Variants in CYP4F8 observed in about 807,000 individuals in gnomAD.
The protein encoded by CYP4F8 is cytochrome P450 family 4 subfamily F member 8, also known as cytochrome P450 4F8.
A neutral mutation model predicts 55.0 loss-of-function variants in CYP4F8; 56 were observed. That is an observed-to-expected ratio of 1.02 (90% confidence interval 0.82 to 1.27). The LOEUF (loss-of-function observed/expected upper bound fraction) is 1.27, where lower values mean the gene tolerates loss of function less well. Among genes scored for constraint, CYP4F8 ranks in the 50% most tolerant of loss-of-function variants. The pLI, the probability that CYP4F8 is intolerant of heterozygous loss-of-function variation, is 0.00. For missense variants in CYP4F8, 680 were observed against 682.4 expected (o/e 1.00, Z 0.04); for synonymous variants, 288 against 267.3 (o/e 1.08, Z -0.76).
intron 2 of CYP4F8, among the ~76,000 whole-genome samples, chr19:15,616,118 C>T (rs77153106): frequency 6.7e-6 from 1 of 148,658 alleles, no homozygotes; most frequent in South Asian, 2.2e-4. Flanking sequence ...CCTCTCCTCA[C>T]TCACTCATTC....
intron 5 of CYP4F8, among the ~76,000 whole-genome samples, chr19:15,620,377 A>G (rs1360458499): frequency 6.6e-6 from 1 of 152,148 alleles, no homozygotes; most frequent in Non-Finnish European, 1.5e-5. Flanking sequence ...AGAGGAGGAT[A>G]CAATGCTTCT....
Position 15,615,669 on chromosome 19 carries a change from C to T in CYP4F8, c.53C>T (p.Pro18Leu), listed in dbSNP as rs141696823. Residue 18 changes from proline (P) to leucine (L), a missense_variant, in exon 2 of 13, where the codon CCG (proline) becomes CTG (leucine). Coordinates refer to ENST00000612078, the MANE Select transcript of CYP4F8 (RefSeq NM_007253.4). Reference sequence around the variant, plus strand: ...GGCCTCAGGCCGGTGGCAGCATCCCCGTGGCTGCTCCTGCTGGTGGTCGGG... The same window carrying T: ...GGCCTCAGGCCGGTGGCAGCATCCCTGTGGCTGCTCCTGCTGGTGGTCGGG... ...WLGLRPVAAS[P>L]WLLLLVVGAS... 1,277 of 1,613,974 alleles carry T rather than the reference C, an allele frequency of 7.9e-4. 11 individuals are homozygous for T. In the African/African-American group the frequency reaches 0.014, roughly 18 times the overall value.
intron 2 of CYP4F8, among the ~76,000 whole-genome samples, chr19:15,617,756 G>T (rs1040904366): frequency 3.9e-5 from 6 of 152,184 alleles, no homozygotes; most frequent in African/African-American, 1.4e-4. Context: ...TGTCTCAGCT[G>T]CAGAGGAGAA....
chr19:15,617,658 G>T (rs973944511), intron 2 of CYP4F8, among the ~76,000 whole-genome samples: 8 of 152,306 alleles, frequency 5.3e-5, no homozygotes, highest in African/African-American at 1.9e-4. Flanking sequence ...GCAAGCTGGA[G>T]AATCAGGGAC....
chr19:15,628,537 T>A lies in CYP4F8; in HGVS notation c.1256T>A (p.Val419Asp). Reference protein sequence around the residue: ...PDSRVIPKGNVCNINIFAIHH... With the variant: ...PDSRVIPKGNDCNINIFAIHH... ...GTCCTCTCCTGCACGACAGGGAATG[T>A]CTGTAACATCAACATCTTCGCAATC... The change falls in exon 11 of 13, where the codon GTC becomes GAC. Residue 419 changes from valine (V) to aspartate (D), a missense_variant. Transcript: ENST00000612078. The A allele has an allele frequency of 6.2e-7, 1 of 1,613,886 alleles. No individual in the cohort carries two copies. Among genetic ancestry groups the A allele is most frequent in the Non-Finnish European group, 8.5e-7 (1 of 1,179,844 alleles).
intron 9 of CYP4F8, among the ~76,000 whole-genome samples, chr19:15,625,961 T>C (rs948140087): frequency 2.6e-5 from 4 of 152,192 alleles, no homozygotes; most frequent in Non-Finnish European, 5.9e-5. Flanking sequence ...TTGTGCTGGT[T>C]CTTACCTTTT....
intron 7 of CYP4F8, 134 bp from the exon 8 acceptor site, chr19:15,623,565 C>G (rs926755012): frequency 1.0e-6 from 1 of 986,630 alleles, no homozygotes; most frequent in African/African-American, 2.5e-5. Flanking sequence ...AACAGGAGGT[C>G]GGAAGGAAGC....
intron 2 of CYP4F8, among the ~76,000 whole-genome samples, chr19:15,617,671 TG>T (rs1308822921): frequency 1.3e-5 from 2 of 152,164 alleles, no homozygotes; most frequent in Non-Finnish European, 2.9e-5. Flanking sequence ...TCAGGGACAC[TG>T]GTGGTGCAAT....
Position 15,622,933 on chromosome 19 carries a change from C to T in CYP4F8, c.648-172C>T, listed in dbSNP as rs2072602. On this transcript the variant is annotated intron_variant, in intron 6 of 12. Coordinates refer to ENST00000612078, the MANE Select transcript of CYP4F8 (RefSeq NM_007253.4). The stretch of plus-strand genomic sequence containing the variant: ...ATGCCCATGATGGCCAAGCTGTGCC[C>T]TGGGGACCTGGGGCAGGAGGCAGCT... 6.8e-3 allele frequency: 4,818 copies of T among 712,172 alleles called. 145 individuals carry two copies. In the East Asian group the frequency reaches 0.082, roughly 12 times the overall value. The allele number at this position is 712,172 out of a possible 1,614,324, so 44.1% of individuals were successfully genotyped here. A position where few individuals can be genotyped will look rare whatever the true frequency, so the allele number is the denominator to read the frequency against.
At chr19:15,627,990 C>T (rs1972283446) in intron 9 of CYP4F8, 2 of 333,014 alleles carry the variant, frequency 6.0e-6, no homozygotes, top group East Asian at 1.6e-4. Context: ...AACTCCTGAC[C>T]TCAAGTGATC....
intron 2 of CYP4F8, among the ~76,000 whole-genome samples, chr19:15,616,236 C>CCACTCATTCCTCTCCTCACT (rs1972119715): frequency 5.8e-5 from 3 of 51,730 alleles, no homozygotes; most frequent in Admixed American, 2.3e-4. Flanking sequence ...CTCTCCTCAC[C>CCACTCATTCCTCTCCTCACT]CACTCATTCC....
intron 11 of CYP4F8, 32 bp downstream of exon 11, chr19:15,628,627 G>A: frequency 6.2e-7 from 1 of 1,610,298 alleles, no homozygotes; most frequent in East Asian, 2.2e-5. Flanking sequence ...CCATCCCCCG[G>A]GCCTGGTCGG....
chr19:15,622,140 T>C (rs1972201465), intron 5 of CYP4F8, 79 bp from the exon 6 acceptor site: 1 of 1,520,652 alleles, frequency 6.6e-7, no homozygotes, highest in Admixed American at 2.3e-5. Flanking sequence ...TCTGGGGGAG[T>C]CCATCCTGGT....
chr19:15,620,481 C>T (rs1366708148), intron 5 of CYP4F8, among the ~76,000 whole-genome samples: 1 of 152,094 alleles, frequency 6.6e-6, no homozygotes, highest in Non-Finnish European at 1.5e-5. Context: ...TCTCTGCAAC[C>T]CCCGCCTCAA....
Position 15,624,055 on chromosome 19 carries a change from A to C in CYP4F8, c.1076A>C (p.Gln359Pro). 1 of 1,614,138 alleles carries C rather than the reference A, an allele frequency of 6.2e-7. No homozygotes were observed. Among genetic ancestry groups the C allele is most frequent in the South Asian group, 1.1e-5 (1 of 91,072 alleles). Residue 359 changes from glutamine (Q) to proline (P), a missense_variant, in exon 9 of 13, where the codon CAA becomes CCA. Physicochemically the swap from Gln to Pro is moderately conservative, Grantham distance 76. Transcript: ENST00000612078. ...CAAGAACGCTGCCGGCAGGAGGTGC[A>C]AGAGCTTCTGAAGGACCGTGAGCCT... is the stretch of plus-strand genomic sequence containing the variant. Reference protein sequence around the residue: ...EYQERCRQEVQELLKDREPKE... With the variant: ...EYQERCRQEVPELLKDREPKE...
At chr19:15,622,842 G>T (rs1972211472) in intron 6 of CYP4F8, 2 of 523,508 alleles carry the variant, frequency 3.8e-6, no homozygotes, top group South Asian at 4.4e-5. Flanking sequence ...GAGAAAATGG[G>T]GCAGATTTGG....
At position 15,623,323 on chromosome 19, in the gene CYP4F8, C is replaced by A; in HGVS notation, c.866C>A (p.Ala289Asp). The stretch of plus-strand genomic sequence containing the variant: ...CAGGGTGTTGATGACTTCCTCCAAG[C>A]CAAGGCCAAGTCCAAGACTTTGGAC... ...TSQGVDDFLQ[A>D]KAKSKTLDFI... The change falls in exon 7 of 13, where the codon GCC (alanine) becomes GAC (aspartate). Residue 289 changes from alanine to aspartate, a missense_variant. By Grantham distance (126) the Ala-to-Asp change is moderately radical (BLOSUM62 -2). Transcript: ENST00000612078. The A allele has an allele frequency of 6.2e-7, 1 of 1,614,044 alleles. No individual in the cohort carries two copies. The highest frequency in any genetic ancestry group is 1.6e-4 in the Middle Eastern group (1 of 6,062).
chr19:15,618,331 C>A, intron 3 of CYP4F8, 187 bp downstream of exon 3: 1 of 939,854 alleles, frequency 1.1e-6, no homozygotes, highest in Non-Finnish European at 1.7e-6. Flanking sequence ...TCTCTGCTGC[C>A]ATCTTCCCCA....
chr19:15,618,402 T>C (rs531286566), intron 3 of CYP4F8: 258 of 595,918 alleles, frequency 4.3e-4, no homozygotes, highest in Admixed American at 1.1e-3. Context: ...GGCCCTGTCC[T>C]GGAGGAATCC....
Sources: gnomAD v4.1 joint callset for allele counts (sites outside exome capture counted in the v4.1 genomes callset) on GRCh38, gnomAD v4.1.1 for gene constraint, MANE v1.5 for transcripts, NCBI Gene and HGNC (gene_info 2026-07-23, HGNC 2026-07-21) for gene names.